Variants in TMEM39A observed in about 807,000 individuals in gnomAD.
The protein encoded by TMEM39A is suppressor of SQST-1 aggregates in rpl-43 mutants.
A neutral mutation model predicts 51.9 loss-of-function variants in TMEM39A; 19 were observed. The observed-to-expected ratio is 0.37, with a 90% CI of 0.26 to 0.54. The LOEUF (loss-of-function observed/expected upper bound fraction) is 0.54, where lower values mean the gene tolerates loss of function less well. TMEM39A is among the 20% of genes least tolerant of loss of function. TMEM39A has a pLI of 0.88. For synonymous variants in TMEM39A, 197 were observed against 220.2 expected (o/e 0.89, Z 0.93); for missense variants, 433 against 590.5 (o/e 0.73, Z 2.76).
intron 4 of TMEM39A, among the ~76,000 whole-genome samples, chr3:119,451,761 C>G (rs2081202127): frequency 7.7e-6 from 1 of 129,956 alleles, no homozygotes; most frequent in South Asian, 2.4e-4. Context: ...ACCCAGGAGA[C>G]AGAGGTTGTG....
intron 7 of TMEM39A, chr3:119,435,676 TAAAAAAA>T: frequency 7.5e-6 from 7 of 931,682 alleles, no homozygotes; most frequent in Non-Finnish European, 7.6e-6. Flanking sequence ...GATATGTTAT[TAAAAAAA>T]AAAAAAAAAA....
chr3:119,435,113 C>T, intron 7 of TMEM39A: 1 of 985,214 alleles, frequency 1.0e-6, no homozygotes. Context: ...ATAGTTAACT[C>T]AGTGTCAAAG....
chr3:119,447,184 G>C lies in TMEM39A; in HGVS notation c.421-12C>G. ...CCTGCCTTAGTAGCCTGAAAGTTTGGAAGCACCAAAATGAACATTTTGTAA... is the reference window on the plus strand; with the variant it reads ...CCTGCCTTAGTAGCCTGAAAGTTTGCAAGCACCAAAATGAACATTTTGTAA... On this transcript the variant is annotated splice_polypyrimidine_tract_variant and intron_variant, in intron 4 of 8. Coordinates refer to ENST00000319172, the MANE Select transcript of TMEM39A (RefSeq NM_018266.3). The C allele has an allele frequency of 6.2e-7, 1 of 1,604,860 alleles. No individual in the cohort carries two copies. The highest frequency in any genetic ancestry group is 8.5e-7 in the Non-Finnish European group (1 of 1,176,504).
chr3:119,456,380 CAGG>C (rs1359077369), intron 3 of TMEM39A, among the ~76,000 whole-genome samples: 8 of 152,126 alleles, frequency 5.3e-5, no homozygotes, highest in Admixed American at 1.3e-4. Flanking sequence ...ATTAAGTAGA[CAGG>C]AGGTCAATAT....
Position 119,431,136 on chromosome 3 carries a change from T to C in TMEM39A, c.*845A>G, listed in dbSNP as rs1298694085. 1 of 152,132 alleles carries C rather than the reference T, an allele frequency of 6.6e-6. No homozygotes were observed. The allele number at this position is 152,132 out of a possible 1,614,324, so 9.4% of individuals were successfully genotyped here. A position where few individuals can be genotyped will look rare whatever the true frequency, so the allele number is the denominator to read the frequency against. On this transcript the variant is annotated 3_prime_UTR_variant, in exon 9 of 9. Coordinates refer to ENST00000319172, the MANE Select transcript of TMEM39A (RefSeq NM_018266.3). ...GTTGCTGCTAGACTACATCCAAGAT[T>C]GTTCAGCTGAGGACTTGCCCACTCT...
chr3:119,446,611 T>C (rs2081128919), intron 5 of TMEM39A: 1 of 158,466 alleles, frequency 6.3e-6, no homozygotes, highest in Admixed American at 6.3e-5. Context: ...GAGGACTACT[T>C]ATTGTACTTC....
intron 8 of TMEM39A, among the ~76,000 whole-genome samples, chr3:119,432,995 A>G (rs568768431): frequency 1.8e-4 from 28 of 152,310 alleles, no homozygotes; most frequent in African/African-American, 6.7e-4. Flanking sequence ...TTTCTAATAC[A>G]AAGTTATTAT....
At position 119,458,003 on chromosome 3, in the gene TMEM39A, C is replaced by A. The variant is rs2081288646; in HGVS notation, c.336+15G>T. ...GTAAGTAACATGAAGAACTTAAAGTCTGAGTAAGACTTACCAGTGATGTAC... is the reference window on the plus strand; with the variant it reads ...GTAAGTAACATGAAGAACTTAAAGTATGAGTAAGACTTACCAGTGATGTAC... On this transcript the variant is annotated intron_variant, in intron 3 of 8. Coordinates refer to ENST00000319172, the MANE Select transcript of TMEM39A (RefSeq NM_018266.3). The A allele has an allele frequency of 2.5e-6, 4 of 1,585,992 alleles. No individual in the cohort carries two copies. The South Asian group carries it at 3.4e-5, about 13-fold the overall frequency.
At chr3:119,440,626 C>A (rs12492315) in intron 5 of TMEM39A, among the ~76,000 whole-genome samples, 22,082 of 151,988 alleles carry the variant, frequency 0.15, 2,009 homozygotes, top group Admixed American at 0.2. Context: ...AGAAAAGGGC[C>A]TCTTTCTTAG....
Position 119,458,165 on chromosome 3 carries a change from T to C in TMEM39A, c.189A>G (p.Gln63=), listed in dbSNP as rs143823737. Residue 63 remains glutamine (Q), a synonymous_variant, in exon 3 of 9, where the codon CAA becomes CAG. Transcript: ENST00000319172. ...TCCCATCCACAGGCAAGTCAGGAAT[T>C]TGGCAATGACGAACAGGACCTGGGG... ...LITPGPVRHC[Q]IPDLPVDGSL... is the part of the protein sequence containing the mutation. The C allele has an allele frequency of 6.1e-5, 99 of 1,614,196 alleles. No homozygotes were observed. In the African/African-American group the frequency reaches 1.0e-3, roughly 16 times the overall value.
chr3:119,435,962 T>G, intron 7 of TMEM39A: 1 of 1,281,416 alleles, frequency 7.8e-7, no homozygotes, highest in Non-Finnish European at 1.0e-6. Context: ...GGCAGATAAT[T>G]GAAGGGAGAA....
At chr3:119,453,702 G>C (rs1411981121) in intron 3 of TMEM39A, among the ~76,000 whole-genome samples, 1 of 152,142 alleles carries the variant, frequency 6.6e-6, no homozygotes, top group Non-Finnish European at 1.5e-5. Flanking sequence ...TAAATACAAA[G>C]AGTTGCCATG....
At chr3:119,455,071 T>C (rs1489686677) in intron 3 of TMEM39A, among the ~76,000 whole-genome samples, 2 of 152,152 alleles carry the variant, frequency 1.3e-5, no homozygotes, top group Non-Finnish European at 2.9e-5. Context: ...GGTCTTGAAA[T>C]GGAAAAATAA....
intron 5 of TMEM39A, among the ~76,000 whole-genome samples, chr3:119,444,033 T>G (rs2081092492): frequency 6.6e-6 from 1 of 152,254 alleles, no homozygotes; most frequent in Admixed American, 6.5e-5. Context: ...ATTGCAGCAG[T>G]CTGGAACAGA....
At chr3:119,438,433 CA>C (rs1209348984) in intron 5 of TMEM39A, among the ~76,000 whole-genome samples, 1 of 152,202 alleles carries the variant, frequency 6.6e-6, no homozygotes, top group African/African-American at 2.4e-5. Flanking sequence ...ATTATAGTTA[CA>C]TATGCTTTTT....
intron 3 of TMEM39A, among the ~76,000 whole-genome samples, chr3:119,453,901 A>C (rs1036400686): frequency 6.6e-6 from 1 of 152,252 alleles, no homozygotes; most frequent in South Asian, 2.1e-4. Context: ...CTTGTAAGAA[A>C]TAAAACAGTA....
Position 119,458,162 on chromosome 3 carries a change from A to G in TMEM39A, c.192T>C (p.Ile64=). ...GGCTCCCATCCACAGGCAAGTCAGG[A>G]ATTTGGCAATGACGAACAGGACCTG... ...ITPGPVRHCQ[I]PDLPVDGSLL... The change falls in exon 3 of 9, where the codon ATT becomes ATC. Residue 64 remains isoleucine (I), a synonymous_variant. Transcript: ENST00000319172. The G allele has an allele frequency of 6.2e-7, 1 of 1,614,228 alleles. No individual in the cohort carries two copies. The highest frequency in any genetic ancestry group is 8.5e-7 in the Non-Finnish European group (1 of 1,180,026).
At chr3:119,444,793 G>A (rs2081101270) in intron 5 of TMEM39A, among the ~76,000 whole-genome samples, 1 of 152,154 alleles carries the variant, frequency 6.6e-6, no homozygotes, top group Non-Finnish European at 1.5e-5. Flanking sequence ...TGCTGATGCT[G>A]CTGTTCTAGA....
At chr3:119,432,874 G>A (rs530502522) in intron 8 of TMEM39A, among the ~76,000 whole-genome samples, 55 of 152,116 alleles carry the variant, frequency 3.6e-4, no homozygotes, top group Middle Eastern at 3.4e-3. Flanking sequence ...GGTGCACAAA[G>A]ACAGGATAAG....
Sources: gnomAD v4.1 joint callset for allele counts (sites outside exome capture counted in the v4.1 genomes callset) on GRCh38, gnomAD v4.1.1 for gene constraint, MANE v1.5 for transcripts, NCBI Gene and HGNC (gene_info 2026-07-23, HGNC 2026-07-21) for gene names.